FOCAD: variants seen among roughly 807,000 people sequenced by gnomAD.
FOCAD encodes KIAA1797.
A neutral mutation model predicts 225.6 loss-of-function variants in FOCAD; 198 were observed. That is an observed-to-expected ratio of 0.88 (90% confidence interval 0.78 to 0.99). The LOEUF is 0.99. Among genes scored for constraint, FOCAD ranks in the 50% least tolerant of loss-of-function variants. The pLI, the probability that FOCAD is intolerant of heterozygous loss-of-function variation, is 0.00. For synonymous variants in FOCAD, 897 were observed against 755.0 expected, an observed-to-expected ratio of 1.19 and a Z score of -3.08; for missense variants, 2,713 against 2,123.6, an observed-to-expected ratio of 1.28 and a Z score of -5.46.
chr9:20,852,127 A>G (rs538522904), intron 15 of FOCAD, among the ~76,000 whole-genome samples: 1 of 151,850 alleles, frequency 6.6e-6, no homozygotes, highest in East Asian at 1.9e-4. Flanking sequence ...GGGTGGAAAA[A>G]TCTTGTTTAT....
intron 33 of FOCAD, 118 bp downstream of exon 33, chr9:20,949,793 C>A: frequency 1.2e-6 from 1 of 859,432 alleles, no homozygotes; most frequent in Non-Finnish European, 1.9e-6. Context: ...TGGTTATTCC[C>A]GCTGAGTTCA....
intron 11 of FOCAD, among the ~76,000 whole-genome samples, chr9:20,796,435 T>G (rs1171787024): frequency 6.6e-6 from 1 of 152,204 alleles, no homozygotes; most frequent in Non-Finnish European, 1.5e-5. Flanking sequence ...CCACCAACAG[T>G]GTAAAAGTGT....
At chr9:20,714,654 T>G (rs62549793) in intron 1 of FOCAD, among the ~76,000 whole-genome samples, 6,035 of 102,696 alleles carry the variant, frequency 0.059, 127 homozygotes, top group Middle Eastern at 0.082. Context: ...CTTCCTTCCT[T>G]CCTTCCTTCC....
At chr9:20,899,327 C>G (rs930508851) in intron 21 of FOCAD, among the ~76,000 whole-genome samples, 1 of 151,846 alleles carries the variant, frequency 6.6e-6, no homozygotes, top group Non-Finnish European at 1.5e-5. Context: ...AATTCTCAGA[C>G]TTGTCCATTC....
At chr9:20,693,713 T>G (rs1272538837) in intron 1 of FOCAD, among the ~76,000 whole-genome samples, 1 of 152,112 alleles carries the variant, frequency 6.6e-6, no homozygotes, top group Non-Finnish European at 1.5e-5. Context: ...ACTATTTATT[T>G]ATTTATTTAT....
At chr9:20,891,947 G>T (rs1428943162) in intron 21 of FOCAD, among the ~76,000 whole-genome samples, 1 of 152,174 alleles carries the variant, frequency 6.6e-6, no homozygotes, top group African/African-American at 2.4e-5. Context: ...TGCAGCTGAT[G>T]ACTTAAGTTG....
At chr9:20,991,287 A>C (rs1841649313) in intron 42 of FOCAD, among the ~76,000 whole-genome samples, 10 of 152,034 alleles carry the variant, frequency 6.6e-5, no homozygotes, top group Admixed American at 6.6e-4. Context: ...TCTTTTTTGA[A>C]TCTCATTTAA....
At chr9:20,982,562 T>A in intron 39 of FOCAD, 116 bp downstream of exon 39, 2 of 756,856 alleles carry the variant, frequency 2.6e-6, no homozygotes, top group Non-Finnish European at 4.5e-6. Flanking sequence ...ATTGGTTAAT[T>A]TCAGGAAACT....
chr9:20,895,906 T>C (rs139503830), intron 21 of FOCAD, among the ~76,000 whole-genome samples: 2 of 152,058 alleles, frequency 1.3e-5, no homozygotes, highest in East Asian at 3.9e-4. Context: ...TCCAGTATGA[T>C]GTTGAAAAAG....
intron 21 of FOCAD, among the ~76,000 whole-genome samples, chr9:20,898,842 T>C (rs112482720): frequency 1.3e-4 from 20 of 152,102 alleles, no homozygotes; most frequent in African/African-American, 3.9e-4. Flanking sequence ...AATAGGTCTT[T>C]AGTAATGTAG....
chr9:20,662,310 G>C (rs1040361958), intron 2 of FOCAD, among the ~76,000 whole-genome samples: 1 of 152,208 alleles, frequency 6.6e-6, no homozygotes, highest in Non-Finnish European at 1.5e-5. Context: ...TGTGGAGAAC[G>C]TAGTCTGCAC....
chr9:20,976,186 T>G (rs759436354), intron 35 of FOCAD: 74 of 230,064 alleles, frequency 3.2e-4, no homozygotes, highest in Non-Finnish European at 5.4e-4. Context: ...TATATACAGT[T>G]ATTATATATT....
intron 42 of FOCAD, among the ~76,000 whole-genome samples, chr9:20,991,420 A>G (rs1475375415): frequency 6.6e-6 from 1 of 152,192 alleles, no homozygotes; most frequent in Non-Finnish European, 1.5e-5. Context: ...AGCTATGCAC[A>G]ACTCCACCAA....
chr9:20,829,142 G>T (rs1315602678), intron 15 of FOCAD, among the ~76,000 whole-genome samples: 1 of 151,996 alleles, frequency 6.6e-6, no homozygotes, highest in African/African-American at 2.4e-5. Flanking sequence ...ATATTATTTT[G>T]GGTATATACC....
At chr9:20,772,415 T>G (rs1818332287) in intron 8 of FOCAD, among the ~76,000 whole-genome samples, 1 of 152,146 alleles carries the variant, frequency 6.6e-6, no homozygotes, top group Non-Finnish European at 1.5e-5. Context: ...GGTGGAACTC[T>G]GGGGTGTTTG....
At chr9:20,691,988 G>T (rs1189786208) in intron 1 of FOCAD, among the ~76,000 whole-genome samples, 1 of 152,092 alleles carries the variant, frequency 6.6e-6, no homozygotes, top group East Asian at 1.9e-4. Context: ...CTCGAAAAAT[G>T]ATCCACCCGC....
intron 35 of FOCAD, among the ~76,000 whole-genome samples, chr9:20,964,558 A>G (rs1282338204): frequency 6.6e-6 from 1 of 151,452 alleles, no homozygotes; most frequent in Non-Finnish European, 1.5e-5. Flanking sequence ...TTTTTTTGAG[A>G]TGGAGTCTTG....
Position 20,781,855 on chromosome 9 carries a change from C to T in FOCAD, c.1123C>T (p.Pro375Ser). ...EDCISVDEEG[P>S]SRQQLALNLL... Reference sequence around the variant, plus strand: ...CTGTATATCTGTGGATGAAGAAGGTCCCTCTAGGCAGCAGTTGGCTCTAAA... The same window carrying T: ...CTGTATATCTGTGGATGAAGAAGGTTCCTCTAGGCAGCAGTTGGCTCTAAA... The change falls in exon 10 of 44, where the codon CCC becomes TCC. Residue 375 changes from proline to serine, a missense_variant. Transcript: ENST00000338382. 3 of 1,614,096 alleles carry T rather than the reference C, an allele frequency of 1.9e-6. No individual in the cohort carries two copies. The highest frequency in any genetic ancestry group is 2.5e-6 in the Non-Finnish European group (3 of 1,179,974).
At chr9:20,727,993 G>A (rs1481006929) in intron 4 of FOCAD, among the ~76,000 whole-genome samples, 4 of 152,168 alleles carry the variant, frequency 2.6e-5, no homozygotes, top group African/African-American at 9.7e-5. Context: ...CGTGAGCAGT[G>A]TTTAGTGTTG....
Sources: gnomAD v4.1 joint callset for allele counts (sites outside exome capture counted in the v4.1 genomes callset) on GRCh38, gnomAD v4.1.1 for gene constraint, MANE v1.5 for transcripts, NCBI Gene and HGNC (gene_info 2026-07-23, HGNC 2026-07-21) for gene names.